PVT1: variants seen among roughly 807,000 people sequenced by gnomAD.
PVT1 encodes Pvt1 oncogene, also known as CXCR4/PVT1 fusion.
chr8:128,085,449 C>CTTA (rs1396954034), intron 5 of PVT1, among the ~76,000 whole-genome samples: 2 of 152,022 alleles, frequency 1.3e-5, no homozygotes, highest in Non-Finnish European at 2.9e-5. Flanking sequence ...AGAACCCCAC[C>CTTA]TTAACTCTTC....
chr8:128,011,465 C>G lies in PVT1; in HGVS notation n.912+22174C>G, dbSNP rs1257202920. Reference sequence around the variant, plus strand: ...AGAGCTTACTGTCTCTCTTCTCTCTCTGCTACGTGAGGACACAATGAGAAG... The same window carrying G: ...AGAGCTTACTGTCTCTCTTCTCTCTGTGCTACGTGAGGACACAATGAGAAG... On this transcript the variant is annotated intron_variant and non_coding_transcript_variant, in intron 4 of 10. Transcript: ENST00000651587. Among the ~76,000 whole-genome samples the G allele has an allele frequency of 2.6e-5, 4 of 152,268 alleles. No individual in the cohort carries two copies. The East Asian group carries it at 5.8e-4, about 22-fold the overall frequency.
intron 3 of PVT1, among the ~76,000 whole-genome samples, chr8:127,907,693 C>G (rs374166624): frequency 4.6e-5 from 7 of 152,280 alleles, no homozygotes; most frequent in African/African-American, 1.7e-4. Context: ...TCAGGAAGCC[C>G]AGATGGCAGA....
chr8:128,058,993 G>T (rs1260952534), intron 4 of PVT1, among the ~76,000 whole-genome samples: 2 of 151,956 alleles, frequency 1.3e-5, no homozygotes, highest in Admixed American at 1.3e-4. Context: ...CCTCCTTCCA[G>T]CCCTTGCTTT....
intron 4 of PVT1, among the ~76,000 whole-genome samples, chr8:128,067,603 G>A (rs1215463617): frequency 6.6e-6 from 1 of 152,216 alleles, no homozygotes; most frequent in Non-Finnish European, 1.5e-5. Context: ...CTTCCTGGGG[G>A]AAAGGATGTT....
intron 4 of PVT1, among the ~76,000 whole-genome samples, chr8:128,032,964 G>A (rs1813410144): frequency 6.6e-6 from 1 of 152,228 alleles, no homozygotes; most frequent in Non-Finnish European, 1.5e-5. Flanking sequence ...GGAAGGCACT[G>A]CAGAGGTGCA....
At chr8:127,918,652 A>T (rs1203736401) in intron 3 of PVT1, among the ~76,000 whole-genome samples, 1 of 152,178 alleles carries the variant, frequency 6.6e-6, no homozygotes, top group African/African-American at 2.4e-5. Context: ...GTAAGAAGGG[A>T]CACTTTGCTC....
intron 3 of PVT1, among the ~76,000 whole-genome samples, chr8:127,936,998 A>C (rs1380241571): frequency 6.6e-6 from 1 of 152,252 alleles, no homozygotes; most frequent in Non-Finnish European, 1.5e-5. Flanking sequence ...TTTGTAAATC[A>C]GAAAAATGAA....
chr8:127,912,281 A>G (rs1376721760), intron 3 of PVT1, among the ~76,000 whole-genome samples: 1 of 152,160 alleles, frequency 6.6e-6, no homozygotes, highest in African/African-American at 2.4e-5. Context: ...CTTGCCATTC[A>G]TCTTCCAAGT....
chr8:127,890,394 T>G (rs1015349467), intron 2 of PVT1, among the ~76,000 whole-genome samples: 1 of 152,236 alleles, frequency 6.6e-6, no homozygotes, highest in African/African-American at 2.4e-5. Context: ...AGGTCCTTCG[T>G]ACCGCAGGAG....
At chr8:128,002,507 A>G (rs1817192398) in intron 4 of PVT1, among the ~76,000 whole-genome samples, 1 of 152,194 alleles carries the variant, frequency 6.6e-6, no homozygotes, top group Non-Finnish European at 1.5e-5. Flanking sequence ...TCTGAAATCA[A>G]AGAGTTGTGA....
intron 3 of PVT1, among the ~76,000 whole-genome samples, chr8:127,976,049 T>G (rs917587959): frequency 2.0e-5 from 3 of 152,226 alleles, no homozygotes; most frequent in African/African-American, 7.2e-5. Context: ...GGATGGATTT[T>G]AAAGAGCCTT....
intron 4 of PVT1, among the ~76,000 whole-genome samples, chr8:128,026,698 A>C (rs1813293937): frequency 1.3e-5 from 2 of 152,110 alleles, no homozygotes; most frequent in Admixed American, 6.5e-5. Context: ...AGCTCTGCTG[A>C]TCCTGTTCGA....
intron 3 of PVT1, chr8:127,948,577 G>A (rs1012068856): frequency 2.0e-5 from 3 of 153,652 alleles, no homozygotes; most frequent in Middle Eastern, 3.1e-3. Flanking sequence ...TTCGGAAATA[G>A]GGTCTCTAGA....
intron 4 of PVT1, among the ~76,000 whole-genome samples, chr8:128,031,738 C>G (rs559479310): frequency 1.3e-5 from 2 of 152,268 alleles, no homozygotes; most frequent in African/African-American, 4.8e-5. Flanking sequence ...ATTTAATCTT[C>G]ATAATGACAC....
At chr8:127,995,578 A>G (rs1287233255) in intron 4 of PVT1, among the ~76,000 whole-genome samples, 1 of 152,234 alleles carries the variant, frequency 6.6e-6, no homozygotes, top group Admixed American at 6.5e-5. Context: ...AATAGATTCT[A>G]TTAAGCACCG....
intron 4 of PVT1, among the ~76,000 whole-genome samples, chr8:128,042,847 T>G (rs1044134402): frequency 6.6e-6 from 1 of 152,086 alleles, no homozygotes; most frequent in East Asian, 1.9e-4. Flanking sequence ...CACTGCAACC[T>G]CTGCCTCCTG....
rs1489440543 is a variant in PVT1, at chr8:128,084,423, G to A, written n.1115-12095G>A. 2.0e-5 allele frequency among the ~76,000 whole-genome samples: 3 copies of A among 152,280 alleles called. No homozygotes were observed. The East Asian group carries it at 5.8e-4, about 29-fold the overall frequency. On this transcript the variant is annotated intron_variant and non_coding_transcript_variant, in intron 5 of 10. Coordinates refer to ENST00000651587, the Ensembl canonical transcript of PVT1. ...CTGCTCAGATGTCAACTCTCAGAGA[G>A]GCCTTTTCTGACCACTCCCTCTAAA... is the stretch of plus-strand genomic sequence containing the variant.
Position 127,991,334 on chromosome 8 carries a change from C to T in PVT1, n.912+2043C>T, listed in dbSNP as rs537495169. On this transcript the variant is annotated intron_variant and non_coding_transcript_variant, in intron 4 of 10. Transcript: ENST00000651587. Reference sequence around the variant, plus strand: ...CTTTTTTTTGTATTTTTATTAGAGACGGGGTTTCACTGTGTTAGCCAGGAT... The same window carrying T: ...CTTTTTTTTGTATTTTTATTAGAGATGGGGTTTCACTGTGTTAGCCAGGAT... 7.2e-5 allele frequency among the ~76,000 whole-genome samples: 11 copies of T among 151,824 alleles called. No homozygotes were observed. The South Asian group carries it at 2.3e-3, about 32-fold the overall frequency.
At chr8:127,921,446 G>A (rs544848583) in intron 3 of PVT1, among the ~76,000 whole-genome samples, 2 of 152,302 alleles carry the variant, frequency 1.3e-5, no homozygotes, top group East Asian at 1.9e-4. Flanking sequence ...GTGAGAAAAC[G>A]TGTGCTAAGG....
Sources: gnomAD v4.1 joint callset for allele counts (sites outside exome capture counted in the v4.1 genomes callset) on GRCh38, gnomAD v4.1.1 for gene constraint, MANE v1.5 for transcripts, NCBI Gene and HGNC (gene_info 2026-07-23, HGNC 2026-07-21) for gene names.